The following ARID4A variants were observed in gnomAD, a reference collection of about 807,000 sequenced individuals.
The protein encoded by ARID4A is AT-rich interaction domain 4A, also known as AT-rich interactive domain-containing protein 4A.
ARID4A carries 39 observed loss-of-function variants against 148.6 expected under a neutral mutation model. That is an observed-to-expected ratio of 0.26 (90% CI 0.20 to 0.34). The LOEUF is 0.34. ARID4A is among the 10% of genes least tolerant of loss of function. ARID4A has a pLI of 1.00. For missense variants in ARID4A, 1,265 were observed against 1,449.1 expected (o/e 0.87, Z 2.06); for synonymous variants, 475 against 481.2 (o/e 0.99, Z 0.17).
rs1335632965 is a variant in ARID4A, at chr14:58,372,039, C to A, written c.*50C>A. On this transcript the variant is annotated 3_prime_UTR_variant, in exon 24 of 24. Transcript: ENST00000355431. Reference sequence around the variant, plus strand: ...CAGTTTGCTGCCATGGACATAAATCCCCAAACCCTGAATTACAACCACAGA... The same window carrying A: ...CAGTTTGCTGCCATGGACATAAATCACCAAACCCTGAATTACAACCACAGA... The A allele has an allele frequency of 7.6e-7, 1 of 1,308,250 alleles. No individual in the cohort carries two copies. The highest frequency in any genetic ancestry group is 1.1e-6 in the Non-Finnish European group (1 of 909,894). 81.0% of individuals were successfully genotyped at this position (1,308,250 alleles called of 1,614,324 possible).
chr14:58,312,861 T>A (rs1594876604), intron 5 of ARID4A, among the ~76,000 whole-genome samples: 1 of 152,230 alleles, frequency 6.6e-6, no homozygotes, highest in African/African-American at 2.4e-5. Context: ...TAGGACATGG[T>A]AGAAGCTTAA....
In ARID4A at chr14:58,351,074, G is replaced by T; in HGVS notation, c.1406G>T (p.Gly469Val). 1 of 1,591,358 alleles carries T rather than the reference G, an allele frequency of 6.3e-7. No individual in the cohort carries two copies. The highest frequency in any genetic ancestry group is 2.2e-4 in the Middle Eastern group (1 of 4,484). ...TAAAGCTTTTATCCCCTCTACTAGG[G>T]ACGAAGGAGAATTGCTCGAGATGTA... ...REEIELKSPR[G>V]RRRIARDVNS... The change falls in exon 16 of 24, where the codon GGA becomes GTA. Residue 469 changes from glycine to valine, a missense_variant and splice_region_variant. Gly to Val is a moderately radical substitution (Grantham distance 109). Transcript: ENST00000355431.
At chr14:58,305,464 A>G (rs2031529902) in intron 4 of ARID4A, among the ~76,000 whole-genome samples, 1 of 152,102 alleles carries the variant, frequency 6.6e-6, no homozygotes, top group African/African-American at 2.4e-5. Context: ...TGTTTATGTA[A>G]TAAATCTGTT....
intron 17 of ARID4A, among the ~76,000 whole-genome samples, chr14:58,354,218 A>G (rs1178302327): frequency 6.6e-6 from 1 of 152,242 alleles, no homozygotes; most frequent in Non-Finnish European, 1.5e-5. Context: ...GTGGAGACAT[A>G]TTACTGACTA....
At chr14:58,334,654 C>T (rs1009221421) in intron 11 of ARID4A, among the ~76,000 whole-genome samples, 1 of 152,146 alleles carries the variant, frequency 6.6e-6, no homozygotes, top group Non-Finnish European at 1.5e-5. Context: ...TGCTGTAAAC[C>T]TGTTTGCCTG....
chr14:58,338,148 A>G (rs893519454), intron 11 of ARID4A, among the ~76,000 whole-genome samples: 2 of 152,212 alleles, frequency 1.3e-5, no homozygotes, highest in South Asian at 4.1e-4. Flanking sequence ...AAACTCAGAA[A>G]ATGAGTAAAT....
intron 7 of ARID4A, among the ~76,000 whole-genome samples, chr14:58,322,963 CAAAAA>C (rs386381476): frequency 7.1e-5 from 3 of 42,246 alleles, no homozygotes; most frequent in Non-Finnish European, 1.2e-4. Context: ...ACTCCATTTC[CAAAAA>C]AAAAAAAAAA....
chr14:58,350,690 C>G (rs1010942400), intron 15 of ARID4A, among the ~76,000 whole-genome samples: 2 of 152,140 alleles, frequency 1.3e-5, no homozygotes, highest in Middle Eastern at 6.8e-3. Flanking sequence ...ATTATTGTTA[C>G]GTTTTATCAT....
In ARID4A at chr14:58,371,902, C is replaced by T. The variant is rs1331086766; in HGVS notation, c.3687C>T (p.Ala1229=). Residue 1229 remains alanine (A), a synonymous_variant, in exon 24 of 24, where the codon GCC becomes GCT. Coordinates refer to ENST00000355431, the MANE Select transcript of ARID4A (RefSeq NM_002892.4). ...ATTCCACAGTGTCTCATGCGGGAGC[C>T]TCCATGTCATCTGCTTCATCAGACA... ...KKDREVSHAG[A]SMSSASSDTG... 4 of 1,613,034 alleles carry T rather than the reference C, an allele frequency of 2.5e-6. No homozygotes were observed. In the African/African-American group the frequency reaches 5.3e-5, roughly 22 times the overall value.
At chr14:58,335,609 G>A (rs949745492) in intron 11 of ARID4A, among the ~76,000 whole-genome samples, 4 of 152,044 alleles carry the variant, frequency 2.6e-5, no homozygotes, top group Non-Finnish European at 4.4e-5. Context: ...CACCGTGCCC[G>A]GCCAAGGATT....
rs752797794 is a variant in ARID4A at position 58,310,294 on chromosome 14, A to G, written c.274+4182A>G. On this transcript the variant is annotated intron_variant, in intron 5 of 23. Coordinates refer to ENST00000355431, the MANE Select transcript of ARID4A (RefSeq NM_002892.4). ...ATAGTTATCACAGTTGATTCTATGAATAACAGAACTATTGAAGCTAAAGCA... is the reference window on the plus strand; with the variant it reads ...ATAGTTATCACAGTTGATTCTATGAGTAACAGAACTATTGAAGCTAAAGCA... Among the ~76,000 whole-genome samples, 68 of 152,172 alleles carry G rather than the reference A, an allele frequency of 4.5e-4. 1 individual carries two copies. The highest frequency in any genetic ancestry group is 3.1e-3 in the Admixed American group (48 of 15,278).
rs1594857083 is a variant in ARID4A, at chr14:58,301,742, T to C, written c.117+52T>C. 2.8e-6 allele frequency: 4 copies of C among 1,405,140 alleles called. No homozygotes were observed. In the East Asian group the frequency reaches 7.0e-5, roughly 25 times the overall value. 87.0% of individuals were successfully genotyped at this position (1,405,140 alleles called of 1,614,324 possible). A position where few individuals can be genotyped will look rare whatever the true frequency, so the allele number is the denominator to read the frequency against. On this transcript the variant is annotated intron_variant, in intron 3 of 23. Coordinates refer to ENST00000355431, the MANE Select transcript of ARID4A (RefSeq NM_002892.4). ...TTATTAACTCTAGATTGAAGAAATT[T>C]GGGGAGAGAGAGACTGCAAATCAGC...
In ARID4A at chr14:58,344,718, A is replaced by T; in HGVS notation, c.930A>T (p.Glu310Asp). The change falls in exon 12 of 24, where the codon GAA becomes GAT. Residue 310 changes from glutamate (E) to aspartate (D), a missense_variant. Transcript: ENST00000355431. ...EEVPEEELDP[E>D]ERDNFLQQLY... ...AGCCTGAGGAAGAACTTGATCCTGA[A>T]GAGAGGGACAACTTCCTCCAGCAGC... 6.2e-7 allele frequency: 1 copy of T among 1,613,100 alleles called. No homozygotes were observed. The highest frequency in any genetic ancestry group is 8.5e-7 in the Non-Finnish European group (1 of 1,179,360).
intron 11 of ARID4A, among the ~76,000 whole-genome samples, chr14:58,340,566 T>C (rs2034066958): frequency 1.3e-5 from 2 of 152,200 alleles, no homozygotes; most frequent in African/African-American, 4.8e-5. Flanking sequence ...CCCAGGCTGG[T>C]CTTGAACTTC....
rs367785151 is a variant in ARID4A at position 58,335,174 on chromosome 14, T to C, written c.906+5005T>C. Among the ~76,000 whole-genome samples the C allele has an allele frequency of 2.6e-5, 4 of 152,322 alleles. 1 individual carries two copies. On this transcript the variant is annotated intron_variant, in intron 11 of 23. Transcript: ENST00000355431. The stretch of plus-strand genomic sequence containing the variant: ...CTCTGACATACCTAACTTCTTAGAA[T>C]GCTTGATATCCATGACGACATCACA...
At chr14:58,360,452 A>ACC (rs1377562414) in intron 18 of ARID4A, among the ~76,000 whole-genome samples, 1 of 152,100 alleles carries the variant, frequency 6.6e-6, no homozygotes, top group Non-Finnish European at 1.5e-5. Context: ...TTGTACCCTC[A>ACC]CCCACATCCT....
chr14:58,313,932 A>C (rs1478113125), intron 5 of ARID4A, among the ~76,000 whole-genome samples: 2 of 150,186 alleles, frequency 1.3e-5, no homozygotes, highest in Non-Finnish European at 2.9e-5. Flanking sequence ...AATCTTCCCC[A>C]CCTGGTTCAC....
intron 5 of ARID4A, among the ~76,000 whole-genome samples, chr14:58,317,636 T>C (rs1346261220): frequency 7.3e-6 from 1 of 137,852 alleles, no homozygotes; most frequent in East Asian, 2.0e-4. Flanking sequence ...TTTTTTTTTT[T>C]TTTTTTTTTT....
chr14:58,320,459 A>T (rs2032798832), intron 7 of ARID4A, among the ~76,000 whole-genome samples: 1 of 152,156 alleles, frequency 6.6e-6, no homozygotes, highest in Non-Finnish European at 1.5e-5. Context: ...AGTTGTTCCA[A>T]TAATAGCCTT....
Sources: gnomAD v4.1 joint callset for allele counts (sites outside exome capture counted in the v4.1 genomes callset) on GRCh38, gnomAD v4.1.1 for gene constraint, MANE v1.5 for transcripts, NCBI Gene and HGNC (gene_info 2026-07-23, HGNC 2026-07-21) for gene names.